The following NLGN4X variants were observed in gnomAD, a reference collection of about 807,000 sequenced individuals.
NLGN4X encodes the protein neuroligin-4, X-linked.
NLGN4X carries 3 observed loss-of-function variants against 40.3 expected under a neutral mutation model. That is an observed-to-expected ratio of 0.07 (90% CI 0.03 to 0.19). The LOEUF (loss-of-function observed/expected upper bound fraction) is 0.19, where lower values mean the gene tolerates loss of function less well. Ranked by LOEUF, NLGN4X falls within the 10% of genes least tolerant of loss-of-function variation. The pLI is 1.00. For missense variants in NLGN4X, 382 were observed against 708.3 expected (o/e 0.54, Z 5.23); for synonymous variants, 270 against 306.8 (o/e 0.88, Z 1.25).
intron 3 of NLGN4X, among the ~76,000 whole-genome samples, chrX:5,910,472 C>T (rs1226343417): frequency 9.0e-6 from 1 of 111,302 alleles, no homozygotes; most frequent in Admixed American, 9.6e-5. Flanking sequence ...ATTATGGCCA[C>T]CTGCAGTCAT....
intron 1 of NLGN4X, among the ~76,000 whole-genome samples, chrX:6,193,920 T>C (rs886153590): frequency 8.9e-6 from 1 of 112,495 alleles, no homozygotes; most frequent in Non-Finnish European, 1.9e-5. Context: ...ATCAATCATT[T>C]AGAAATCACT....
At chrX:5,922,929 C>A (rs974000337) in intron 3 of NLGN4X, among the ~76,000 whole-genome samples, 10 of 110,961 alleles carry the variant, frequency 9.0e-5, no homozygotes, top group African/African-American at 2.3e-4. Flanking sequence ...ATGAAGATAT[C>A]TATGTATATC....
chrX:6,195,594 T>C (rs1242452352), intron 1 of NLGN4X, among the ~76,000 whole-genome samples: 1 of 112,207 alleles, frequency 8.9e-6, no homozygotes, highest in Non-Finnish European at 1.9e-5. Context: ...GAAATTGTAT[T>C]ATTAAGACTT....
intron 4 of NLGN4X, 52 bp downstream of exon 4, chrX:5,909,002 C>A (rs771876757): frequency 8.5e-7 from 1 of 1,174,660 alleles, no homozygotes; most frequent in Non-Finnish European, 1.2e-6. Flanking sequence ...TCTGACCATT[C>A]ATTTCTTGGT....
At chrX:6,056,512 G>A (rs6654813) in intron 2 of NLGN4X, among the ~76,000 whole-genome samples, 46,477 of 110,074 alleles carry the variant, frequency 0.42, 7,448 homozygotes, top group African/African-American at 0.53. Context: ...TCAACATCGT[G>A]TAAGTGCCCT....
chrX:6,065,127 G>C (rs2037877074), intron 2 of NLGN4X, among the ~76,000 whole-genome samples: 1 of 110,436 alleles, frequency 9.1e-6, no homozygotes, highest in Non-Finnish European at 1.9e-5. Flanking sequence ...TGGTGGGTGG[G>C]AAAAGGCTGA....
intron 1 of NLGN4X, among the ~76,000 whole-genome samples, chrX:6,155,881 A>G (rs1305857289): frequency 8.9e-6 from 1 of 112,197 alleles, no homozygotes; most frequent in African/African-American, 3.2e-5. Flanking sequence ...TATTCATAAA[A>G]CATCAAAAAA....
chrX:6,038,538 G>A (rs1304715815), intron 2 of NLGN4X, among the ~76,000 whole-genome samples: 1 of 113,162 alleles, frequency 8.8e-6, no homozygotes, highest in Admixed American at 9.3e-5. Flanking sequence ...TTCACCCAAT[G>A]TATATGCACC....
At chrX:6,032,713 A>G (rs1288015410) in intron 2 of NLGN4X, 11 of 1,194,083 alleles carry the variant, frequency 9.2e-6, no homozygotes, top group Non-Finnish European at 1.1e-5. Context: ...CACGGTCATT[A>G]CTCGTTATAT....
chrX:5,958,091 C>T (rs1010787836), intron 3 of NLGN4X, among the ~76,000 whole-genome samples: 2 of 111,584 alleles, frequency 1.8e-5, no homozygotes, highest in Non-Finnish European at 3.8e-5. Context: ...TTGTGTAGGA[C>T]ATCTGATGGA....
At chrX:6,083,665 T>C (rs1433233565) in intron 2 of NLGN4X, among the ~76,000 whole-genome samples, 10 of 112,219 alleles carry the variant, frequency 8.9e-5, no homozygotes, top group Admixed American at 7.5e-4. Context: ...AAATGAGAAG[T>C]AGACATCCAT....
intron 2 of NLGN4X, among the ~76,000 whole-genome samples, chrX:6,041,635 T>C (rs1263747813): frequency 1.8e-5 from 2 of 112,757 alleles, no homozygotes; most frequent in Non-Finnish European, 3.7e-5. Context: ...TGAATTGTAA[T>C]GTGTAATATG....
chrX:5,986,555 G>T (rs753875278), intron 3 of NLGN4X, among the ~76,000 whole-genome samples: 59 of 112,010 alleles, frequency 5.3e-4, no homozygotes, highest in African/African-American at 1.8e-3. Context: ...AGAAAATATT[G>T]TAAAGTCTAT....
rs182953105 is a variant in NLGN4X, at chrX:6,135,131, T to C, written c.472+15864A>G. ...TTCATTTGAGGTCACGTTTCCCATC[T>C]GGCATTAAATCTCAGACTATCTCTG... On this transcript the variant is annotated intron_variant, in intron 2 of 5. Coordinates refer to ENST00000381095, the MANE Select transcript of NLGN4X (RefSeq NM_181332.3). 5.4e-5 allele frequency among the ~76,000 whole-genome samples: 6 copies of C among 112,140 alleles called. No individual in the cohort carries two copies. In the East Asian group the frequency reaches 1.7e-3, roughly 32 times the overall value.
intron 1 of NLGN4X, among the ~76,000 whole-genome samples, chrX:6,207,346 T>A (rs1381375461): frequency 1.8e-5 from 2 of 112,315 alleles, no homozygotes. Flanking sequence ...TATAATAAGT[T>A]AACTTTTCCT....
At chrX:6,196,381 C>T (rs1489265417) in intron 1 of NLGN4X, among the ~76,000 whole-genome samples, 2 of 109,039 alleles carry the variant, frequency 1.8e-5, no homozygotes, top group Non-Finnish European at 3.8e-5. Context: ...TTAACCCTGT[C>T]TCTACTAAAA....
At chrX:6,166,473 T>C (rs1354711547) in intron 1 of NLGN4X, among the ~76,000 whole-genome samples, 2 of 111,903 alleles carry the variant, frequency 1.8e-5, no homozygotes, top group African/African-American at 6.5e-5. Context: ...TACCTTATTG[T>C]ATGACTTAAA....
chrX:6,177,678 T>C (rs980138377), intron 1 of NLGN4X, among the ~76,000 whole-genome samples: 1 of 111,685 alleles, frequency 9.0e-6, no homozygotes, highest in Non-Finnish European at 1.9e-5. Context: ...GAGACATTAA[T>C]AGAGTTCAAA....
At chrX:6,163,168 C>T (rs774066797) in intron 1 of NLGN4X, among the ~76,000 whole-genome samples, 1 of 111,927 alleles carries the variant, frequency 8.9e-6, no homozygotes, top group African/African-American at 3.2e-5. Context: ...ACTGTGAGTC[C>T]ATTAAATCTC....
Sources: gnomAD v4.1 joint callset for allele counts (sites outside exome capture counted in the v4.1 genomes callset) on GRCh38, gnomAD v4.1.1 for gene constraint, MANE v1.5 for transcripts, NCBI Gene and HGNC (gene_info 2026-07-23, HGNC 2026-07-21) for gene names.